Variants in AKAP12 observed in about 807,000 individuals in gnomAD.
AKAP12 encodes the protein A-kinase anchor protein 12.
A neutral mutation model predicts 79.9 loss-of-function variants in AKAP12; 32 were observed. The ratio of observed to expected loss-of-function variants is 0.40; its 90% CI spans 0.30 to 0.54. AKAP12 has a LOEUF of 0.54. AKAP12 is among the 20% of genes least tolerant of loss of function. The pLI is 0.48. For missense variants in AKAP12, 2,074 were observed against 2,177.0 expected (o/e 0.95, Z 0.94); for synonymous variants, 808 against 857.0 (o/e 0.94, Z 1.00).
At position 151,352,224 on chromosome 6, in the gene AKAP12, T is replaced by G. The variant is rs1352790766; in HGVS notation, c.3833T>G (p.Val1278Gly). Reference protein sequence around the residue: ...DQYADEKTKDVPFFEGLEGSI... With the variant: ...DQYADEKTKDGPFFEGLEGSI... Reference sequence around the variant, plus strand: ...TATGCTGATGAGAAAACCAAAGACGTACCATTTTTCGAAGGACTTGAGGGG... The same window carrying G: ...TATGCTGATGAGAAAACCAAAGACGGACCATTTTTCGAAGGACTTGAGGGG... Residue 1278 changes from valine to glycine, a missense_variant, in exon 4 of 5, where the codon GTA becomes GGA. Physicochemically the swap from Val to Gly is moderately radical, Grantham distance 109. Transcript: ENST00000402676. 3 of 1,614,014 alleles carry G rather than the reference T, an allele frequency of 1.9e-6. No individual in the cohort carries two copies. In the African/African-American group the frequency reaches 4.0e-5, roughly 22 times the overall value.
intron 3 of AKAP12, among the ~76,000 whole-genome samples, chr6:151,345,213 T>C (rs1778057572): frequency 1.3e-5 from 2 of 151,618 alleles, no homozygotes; most frequent in Admixed American, 1.3e-4. Context: ...GTAGCTGGGA[T>C]TACAGGCGCC....
intron 2 of AKAP12, among the ~76,000 whole-genome samples, chr6:151,295,232 A>G (rs1305407225): frequency 2.0e-5 from 3 of 152,188 alleles, no homozygotes. Flanking sequence ...GAGATACATT[A>G]TTTTCTAATA....
At chr6:151,313,978 C>T (rs999437769) in intron 3 of AKAP12, among the ~76,000 whole-genome samples, 3 of 152,006 alleles carry the variant, frequency 2.0e-5, no homozygotes, top group Non-Finnish European at 4.4e-5. Flanking sequence ...CAGCAATCCA[C>T]TTGGTAATTC....
At chr6:151,287,213 A>G (rs930290073) in intron 2 of AKAP12, among the ~76,000 whole-genome samples, 2 of 152,010 alleles carry the variant, frequency 1.3e-5, no homozygotes, top group African/African-American at 4.8e-5. Context: ...TGCTGGGATT[A>G]CAGGTGTGAA....
chr6:151,282,766 C>T (rs1336467329), intron 2 of AKAP12, among the ~76,000 whole-genome samples: 1 of 152,128 alleles, frequency 6.6e-6, no homozygotes, highest in Admixed American at 6.5e-5. Flanking sequence ...ATAATGTTTT[C>T]CCTGCTGTCT....
At position 151,305,891 on chromosome 6, in the gene AKAP12, A is replaced by T. The variant is rs1182260435; in HGVS notation, c.307A>T (p.Ile103Phe). Residue 103 changes from isoleucine (I) to phenylalanine (F), a missense_variant, in exon 3 of 5, where the codon ATT becomes TTT. This residue lies in a region of AKAP12 where 1,428 missense variants were observed against 1,451.0 expected (regional missense o/e 0.98). Coordinates refer to ENST00000402676, the MANE Select transcript of AKAP12 (RefSeq NM_005100.4). ...AAACAGCCAGGAGGAAGAAGAAGTCATTGTCACAGAGGGTAAGCCGCCCCT... is the reference window on the plus strand; with the variant it reads ...AAACAGCCAGGAGGAAGAAGAAGTCTTTGTCACAGAGGGTAAGCCGCCCCT... ...ALNSQEEEEV[I>F]VTEVGQRDSE... 1 of 1,610,462 alleles carries T rather than the reference A, an allele frequency of 6.2e-7. No individual in the cohort carries two copies. Among genetic ancestry groups the T allele is most frequent in the Non-Finnish European group, 8.5e-7 (1 of 1,178,374 alleles).
Position 151,325,784 on chromosome 6 carries a change from G to A in AKAP12, c.319+19881G>A, listed in dbSNP as rs540272591. ...CCGCCGAAACCACCTGCGGTTGGCA[G>A]GCAGGAGACTAGGCGTCTGCCGGGG... On this transcript the variant is annotated intron_variant, in intron 3 of 4. Transcript: ENST00000402676. 2.4e-4 allele frequency: 385 copies of A among 1,611,790 alleles called. 1 individual carries two copies. The African/African-American group carries it at 4.8e-3, about 20-fold the overall frequency.
At chr6:151,328,020 T>C (rs1316783504) in intron 3 of AKAP12, among the ~76,000 whole-genome samples, 1 of 152,186 alleles carries the variant, frequency 6.6e-6, no homozygotes, top group Non-Finnish European at 1.5e-5. Context: ...TGAAAAGCCA[T>C]GAGAGCTTTA....
intron 2 of AKAP12, among the ~76,000 whole-genome samples, chr6:151,255,636 A>G (rs908925430): frequency 6.6e-6 from 1 of 152,022 alleles, no homozygotes; most frequent in Admixed American, 6.5e-5. Context: ...TGCCTCTACA[A>G]GAAATTAGCC....
intron 2 of AKAP12, among the ~76,000 whole-genome samples, chr6:151,261,207 G>A (rs143252234): frequency 0.011 from 1,629 of 151,670 alleles, 26 homozygotes; most frequent in African/African-American, 0.038. Flanking sequence ...GGTTAACATG[G>A]CGAAACCCCA....
chr6:151,357,333 A>C lies in AKAP12; in HGVS notation c.*1619A>C, dbSNP rs1389763982. 2 of 152,166 alleles carry C rather than the reference A, an allele frequency of 1.3e-5. No individual in the cohort carries two copies. Among genetic ancestry groups the C allele is most frequent in the African/African-American group, 4.8e-5 (2 of 41,432 alleles). The allele number at this position is 152,166 out of a possible 1,614,324, so 9.4% of individuals were successfully genotyped here. On this transcript the variant is annotated 3_prime_UTR_variant, in exon 5 of 5. Coordinates refer to ENST00000402676, the MANE Select transcript of AKAP12 (RefSeq NM_005100.4). Reference sequence around the variant, plus strand: ...CCTACATTAAGGGTTTTGTCAGACAATTGTCACACGAAGAATAGTGTCACT... The same window carrying C: ...CCTACATTAAGGGTTTTGTCAGACACTTGTCACACGAAGAATAGTGTCACT...
intron 2 of AKAP12, among the ~76,000 whole-genome samples, chr6:151,268,295 T>TAA (rs1275031586): frequency 1.3e-5 from 2 of 152,146 alleles, no homozygotes; most frequent in Non-Finnish European, 2.9e-5. Context: ...CACGTGCCTG[T>TAA]AATCCCAGCT....
intron 2 of AKAP12, among the ~76,000 whole-genome samples, chr6:151,277,968 G>A (rs1481364752): frequency 1.2e-5 from 1 of 85,064 alleles, no homozygotes; most frequent in African/African-American, 3.4e-5. Flanking sequence ...GTGTGTGTGT[G>A]TGTGTCTGTC....
chr6:151,319,038 A>G (rs1409962948), intron 3 of AKAP12, among the ~76,000 whole-genome samples: 1 of 152,214 alleles, frequency 6.6e-6, no homozygotes, highest in East Asian at 1.9e-4. Context: ...TTGCCTAGGT[A>G]AAGAAATAAA....
intron 3 of AKAP12, among the ~76,000 whole-genome samples, chr6:151,319,150 A>C (rs1777302926): frequency 6.6e-6 from 1 of 152,058 alleles, no homozygotes; most frequent in African/African-American, 2.4e-5. Flanking sequence ...GTGATTTTAA[A>C]ATTCTCTTTT....
intron 2 of AKAP12, among the ~76,000 whole-genome samples, chr6:151,267,575 A>G (rs1359509256): frequency 1.3e-5 from 2 of 152,180 alleles, no homozygotes; most frequent in Non-Finnish European, 2.9e-5. Flanking sequence ...GAGTAGGGCT[A>G]TTGGGTGGTT....
At chr6:151,280,536 A>C (rs934961619) in intron 2 of AKAP12, 1 of 152,024 alleles carries the variant, frequency 6.6e-6, no homozygotes, top group Admixed American at 6.6e-5. Flanking sequence ...ACGCTTTACA[A>C]ATTTGGGTCT....
intron 2 of AKAP12, among the ~76,000 whole-genome samples, chr6:151,281,851 C>T (rs1375169651): frequency 6.6e-6 from 1 of 151,864 alleles, no homozygotes; most frequent in African/African-American, 2.4e-5. Flanking sequence ...CCCTCCCTTC[C>T]CCAACACCCA....
At chr6:151,345,932 T>TGAGAGAGAGAGA (rs56202215) in intron 3 of AKAP12, among the ~76,000 whole-genome samples, 37 of 101,372 alleles carry the variant, frequency 3.6e-4, no homozygotes, top group African/African-American at 1.5e-3. Flanking sequence ...TGTGTGTGTG[T>TGAGAGAGAGAGA]GAGAGAGAGA....
Sources: gnomAD v4.1 joint callset for allele counts (sites outside exome capture counted in the v4.1 genomes callset) on GRCh38, gnomAD v4.1.1 for gene constraint, gnomAD v4.1.1 regional missense constraint, MANE v1.5 for transcripts, NCBI Gene and HGNC (gene_info 2026-07-23, HGNC 2026-07-21) for gene names.